FAM20C: variants seen among roughly 807,000 people sequenced by gnomAD.
FAM20C encodes FAM20C golgi associated secretory pathway kinase.
In FAM20C, 40 loss-of-function variants were observed where a neutral mutation model predicts 51.5. The ratio of observed to expected loss-of-function variants is 0.78; its 90% CI spans 0.60 to 1.01. The LOEUF is 1.01. Among genes scored for constraint, FAM20C ranks in the 50% least tolerant of loss-of-function variants. FAM20C has a pLI of 0.00. For missense variants in FAM20C, 861 were observed against 844.7 expected (o/e 1.02, Z -0.24); for synonymous variants, 406 against 380.6 (o/e 1.07, Z -0.78).
chr7:199,177 C>T (rs1013395598), intron 2 of FAM20C, among the ~76,000 whole-genome samples: 1 of 152,246 alleles, frequency 6.6e-6, no homozygotes, highest in Non-Finnish European at 1.5e-5. Flanking sequence ...GACTCAGCCA[C>T]GGCTGTTCCG....
intron 4 of FAM20C, among the ~76,000 whole-genome samples, chr7:246,739 G>A (rs1562392785): frequency 6.6e-6 from 1 of 151,166 alleles, no homozygotes; most frequent in Admixed American, 6.6e-5. Flanking sequence ...CCCCCACCCC[G>A]AGTGCTGCCC....
intron 6 of FAM20C, 162 bp from the exon 7 acceptor site, chr7:256,492 C>T (rs1475266907): frequency 3.1e-6 from 2 of 644,508 alleles, no homozygotes; most frequent in Non-Finnish European, 5.5e-6. Context: ...TCCCCTCCCA[C>T]ACCCGTGCTC....
intron 3 of FAM20C, among the ~76,000 whole-genome samples, chr7:240,505 GTGA>G (rs1247939083): frequency 6.6e-6 from 1 of 151,678 alleles, no homozygotes; most frequent in African/African-American, 2.4e-5. Context: ...GATGGTGGAG[GTGA>G]TGATGATGTG....
chr7:258,788 C>G (rs1168739124), intron 9 of FAM20C, 83 bp downstream of exon 9: 1 of 1,300,372 alleles, frequency 7.7e-7, no homozygotes. Flanking sequence ...CCTTCCCCAC[C>G]CCACCCCGGC....
At chr7:221,041 G>A (rs1787239787) in intron 3 of FAM20C, among the ~76,000 whole-genome samples, 1 of 15,018 alleles carries the variant, frequency 6.7e-5, no homozygotes, top group Non-Finnish European at 1.6e-4. Context: ...ACAGGGCGGA[G>A]CCTCGTCTCC....
intron 3 of FAM20C, chr7:228,359 G>A: frequency 4.7e-6 from 2 of 421,612 alleles, no homozygotes; most frequent in Non-Finnish European, 9.6e-6. Flanking sequence ...AGATCACAGG[G>A]GCTCTTGTCA....
At chr7:201,096 G>A (rs1786108420) in intron 2 of FAM20C, among the ~76,000 whole-genome samples, 1 of 152,220 alleles carries the variant, frequency 6.6e-6, no homozygotes, top group Non-Finnish European at 1.5e-5. Flanking sequence ...CTCTCCCGGT[G>A]TCACATTCTC....
chr7:193,624 ACCCCGGCCCGCGTCGGTCCGAGTCGCC>A lies in FAM20C; in HGVS notation c.435_461del (p.Arg146_Pro154del), dbSNP rs1785698663. ...CCCGCGCACCGGCCGCTGCTGCGAG[ACCCCGGCCCGCGTCGGTCCGAGTCGCC>A]CCCCGGCCCCGGCGGAGACGCCTCC... On this transcript the variant is annotated inframe_deletion, in exon 1 of 10. Transcript: ENST00000313766. 3 of 1,537,186 alleles carry A rather than the reference ACCCCGGCCCGCGTCGGTCCGAGTCGCC, an allele frequency of 2.0e-6. No individual in the cohort carries two copies. Among genetic ancestry groups the A allele is most frequent in the East Asian group, 5.0e-5 (2 of 39,738 alleles).
intron 3 of FAM20C, among the ~76,000 whole-genome samples, chr7:222,011 CTG>C: frequency 1.0e-5 from 1 of 97,812 alleles, no homozygotes; most frequent in African/African-American, 3.7e-5. Context: ...GGGCAGGGGG[CTG>C]CAGGAGCCGT....
At position 258,338 on chromosome 7, in the gene FAM20C, G is replaced by A. The variant is rs373224741; in HGVS notation, c.1446-308G>A. Among the ~76,000 whole-genome samples, 136 of 79,802 alleles carry A rather than the reference G, an allele frequency of 1.7e-3. 3 individuals are homozygous for A. The highest frequency in any genetic ancestry group is 2.8e-3 in the East Asian group (9 of 3,226). The allele number at this position is 79,802 out of a possible 152,430, so 52.4% of individuals were successfully genotyped here. A position where few individuals can be genotyped will look rare whatever the true frequency, so the allele number is the denominator to read the frequency against. ...ACCCACTGCCCGGGGTGCTGGAGAT[G>A]GGCAGGGTGGACCCACTGCCTGAGG... On this transcript the variant is annotated intron_variant, in intron 8 of 9. Coordinates refer to ENST00000313766, the MANE Select transcript of FAM20C (RefSeq NM_020223.4).
chr7:222,361 C>G (rs1322776830), intron 3 of FAM20C, among the ~76,000 whole-genome samples: 1 of 152,114 alleles, frequency 6.6e-6, no homozygotes, highest in South Asian at 2.1e-4. Flanking sequence ...CAGTTGGGTA[C>G]TGAGAGCAGC....
In FAM20C at chr7:193,555, G is replaced by A; in HGVS notation, c.356G>A (p.Arg119His). ...CCGCCCGCGGCCGAGCCGGCCGAGC[G>A]CGCCTTGCGGGGGCGGGATCCCGGC... Reference protein sequence around the residue: ...KLPPAAEPAERALRGRDPGAL... With the variant: ...KLPPAAEPAEHALRGRDPGAL... The change falls in exon 1 of 10, where the codon CGC becomes CAC. Residue 119 changes from arginine (R) to histidine (H), a missense_variant. By Grantham distance (29) the Arg-to-His change is conservative. Transcript: ENST00000313766. The A allele has an allele frequency of 1.3e-6, 2 of 1,495,718 alleles. No individual in the cohort carries two copies. The highest frequency in any genetic ancestry group is 2.9e-5 in the East Asian group (1 of 34,908). The allele number at this position is 1,495,718 out of a possible 1,614,324, so 92.7% of individuals were successfully genotyped here.
Position 259,699 on chromosome 7 carries a change from C to T in FAM20C, c.1506-32C>T, listed in dbSNP as rs756069074. ...CCGTGGGCAGGCATCTCCCCTGTCC[C>T]GTGCCAGGCCTGATGCCCCTCTCCT... On this transcript the variant is annotated intron_variant, in intron 9 of 9. Transcript: ENST00000313766. 1.0e-4 allele frequency: 154 copies of T among 1,515,956 alleles called. 2 individuals are homozygous for T. In the South Asian group the frequency reaches 1.1e-3, roughly 11 times the overall value. 93.9% of individuals were successfully genotyped at this position (1,515,956 alleles called of 1,614,324 possible).
At chr7:206,296 A>G (rs1309356355) in intron 2 of FAM20C, among the ~76,000 whole-genome samples, 1 of 152,092 alleles carries the variant, frequency 6.6e-6, no homozygotes, top group Non-Finnish European at 1.5e-5. Context: ...TCCCACCTCC[A>G]GTGTCCACCG....
intron 3 of FAM20C, among the ~76,000 whole-genome samples, chr7:234,032 G>C (rs1489612983): frequency 1.3e-5 from 2 of 152,226 alleles, no homozygotes; most frequent in African/African-American, 4.8e-5. Flanking sequence ...GAAGATGTGG[G>C]CATCACGGCT....
At chr7:213,033 A>T (rs1294890091) in intron 3 of FAM20C, among the ~76,000 whole-genome samples, 1 of 152,206 alleles carries the variant, frequency 6.6e-6, no homozygotes. Flanking sequence ...TAAGTTACTT[A>T]TTCTGGATTT....
chr7:210,677 G>A (rs1371256554), intron 3 of FAM20C, among the ~76,000 whole-genome samples: 5 of 152,088 alleles, frequency 3.3e-5, no homozygotes. Context: ...GCCCCGTCAC[G>A]CCGAGCTACG....
chr7:219,281 C>T (rs1787140788), intron 3 of FAM20C, among the ~76,000 whole-genome samples: 1 of 152,076 alleles, frequency 6.6e-6, no homozygotes, highest in African/African-American at 2.4e-5. Flanking sequence ...TGAACCCCAC[C>T]GTGAATGTGC....
Position 193,790 on chromosome 7 carries a change from G to T in FAM20C, c.591G>T (p.Ala197=). Residue 197 remains alanine, a synonymous_variant, in exon 1 of 10, where the codon GCG becomes GCT. Coordinates refer to ENST00000313766, the MANE Select transcript of FAM20C (RefSeq NM_020223.4). ...NSDTRLSPKA[A]ENPDWPHAGA... The stretch of plus-strand genomic sequence containing the variant: ...ACACCAGGCTCAGCCCCAAAGCGGC[G>T]GAGAACCCGGACTGGTGAGTGGGGG... 1.9e-6 allele frequency: 3 copies of T among 1,555,184 alleles called. No individual in the cohort carries two copies. Among genetic ancestry groups the T allele is most frequent in the Non-Finnish European group, 2.6e-6 (3 of 1,149,846 alleles).
Sources: gnomAD v4.1 joint callset for allele counts (sites outside exome capture counted in the v4.1 genomes callset) on GRCh38, gnomAD v4.1.1 for gene constraint, MANE v1.5 for transcripts, NCBI Gene and HGNC (gene_info 2026-07-23, HGNC 2026-07-21) for gene names.